Variants in SEC24D observed in about 807,000 individuals in gnomAD.
SEC24D encodes the protein protein transport protein Sec24D.
Under a neutral mutation model 116.9 loss-of-function variants are expected in SEC24D, and 69 were observed. The observed-to-expected ratio is 0.59, with a 90% CI of 0.49 to 0.72. The LOEUF (loss-of-function observed/expected upper bound fraction) is 0.72. SEC24D is among the 30% of genes least tolerant of loss of function. The pLI is 0.00. For missense variants in SEC24D, 1,131 were observed against 1,264.1 expected (o/e 0.89, Z 1.60); for synonymous variants, 405 against 442.8 (o/e 0.91, Z 1.07).
intron 8 of SEC24D, among the ~76,000 whole-genome samples, chr4:118,777,728 C>G (rs1442895478): frequency 6.6e-6 from 1 of 152,232 alleles, no homozygotes; most frequent in African/African-American, 2.4e-5. Context: ...CTCCCACCAA[C>G]AGTGTAAAAG....
At chr4:118,780,098 C>G (rs993562076) in intron 8 of SEC24D, among the ~76,000 whole-genome samples, 4 of 152,132 alleles carry the variant, frequency 2.6e-5, no homozygotes, top group African/African-American at 9.7e-5. Context: ...GTTTCTCTAT[C>G]TCCTTCAGTT....
chr4:118,759,994 A>G (rs1410537915), intron 10 of SEC24D, among the ~76,000 whole-genome samples: 2 of 152,182 alleles, frequency 1.3e-5, no homozygotes, highest in African/African-American at 4.8e-5. Flanking sequence ...ACTTATAAAA[A>G]AACACGATAA....
In SEC24D at chr4:118,836,121, T is replaced by TCAAACCCTTTC; in HGVS notation, c.-223_-222insGAAAGGGTTTG. Reference sequence around the variant, plus strand: ...TGCAGCTGGGCTGGGAACTGCCACGTCAAACCCTTTCTCGGCTGCGCGCCC... The same window carrying TCAAACCCTTTC: ...TGCAGCTGGGCTGGGAACTGCCACGTCAAACCCTTTCCAAACCCTTTCTCGGCTGCGCGCCC... On this transcript the variant is annotated 5_prime_UTR_variant, in exon 1 of 23. Coordinates refer to ENST00000280551, the MANE Select transcript of SEC24D (RefSeq NM_014822.4). The TCAAACCCTTTC allele has an allele frequency of 6.6e-6, 1 of 152,158 alleles. No homozygotes were observed. The highest frequency in any genetic ancestry group is 2.1e-4 in the South Asian group (1 of 4,820). The allele number at this position is 152,158 out of a possible 1,614,324, so 9.4% of individuals were successfully genotyped here.
At chr4:118,737,878 C>A (rs1726040930) in intron 19 of SEC24D, among the ~76,000 whole-genome samples, 2 of 151,964 alleles carry the variant, frequency 1.3e-5, no homozygotes, top group Admixed American at 6.6e-5. Flanking sequence ...TTATTACTGC[C>A]ATCAGCTCAT....
chr4:118,811,731 CCTT>C (rs1268243951), intron 6 of SEC24D, among the ~76,000 whole-genome samples: 1 of 152,206 alleles, frequency 6.6e-6, no homozygotes, highest in Non-Finnish European at 1.5e-5. Context: ...AAATCTCCCT[CCTT>C]CTTTCTTTTA....
intron 2 of SEC24D, among the ~76,000 whole-genome samples, chr4:118,828,166 T>C (rs1184904237): frequency 6.6e-6 from 1 of 151,878 alleles, no homozygotes; most frequent in African/African-American, 2.4e-5. Context: ...TGGAGTGCAA[T>C]GGTGCAATCT....
chr4:118,804,885 T>TACACACACACACACAC (rs71954957), intron 7 of SEC24D, among the ~76,000 whole-genome samples: 4,671 of 140,856 alleles, frequency 0.033, 114 homozygotes, highest in Non-Finnish European at 0.044. Context: ...TATGCATGCA[T>TACACACACACACACAC]ACACACACAC....
chr4:118,725,128 G>C (rs1288790744), intron 22 of SEC24D, among the ~76,000 whole-genome samples: 4 of 152,176 alleles, frequency 2.6e-5, no homozygotes, highest in Non-Finnish European at 4.4e-5. Flanking sequence ...CCCCGACCTA[G>C]TAAAAATAAT....
At position 118,803,039 on chromosome 4, in the gene SEC24D, G is replaced by A. The variant is rs775770835; in HGVS notation, c.913+2804C>T. On this transcript the variant is annotated intron_variant, in intron 7 of 22. Transcript: ENST00000280551. Reference sequence around the variant, plus strand: ...TCTCTCAAATGAGGAGCCTAGAGTAGGCAAACTCATAGAGACAGAACGTAG... The same window carrying A: ...TCTCTCAAATGAGGAGCCTAGAGTAAGCAAACTCATAGAGACAGAACGTAG... Among the ~76,000 whole-genome samples the A allele has an allele frequency of 2.0e-5, 3 of 152,176 alleles. No individual in the cohort carries two copies. The East Asian group carries it at 5.8e-4, about 29-fold the overall frequency.
intron 14 of SEC24D, among the ~76,000 whole-genome samples, 184 bp downstream of exon 14, chr4:118,744,760 G>A (rs190475303): frequency 1.3e-3 from 200 of 152,196 alleles, no homozygotes; most frequent in African/African-American, 4.4e-3. Context: ...TTCAGACATC[G>A]GTTTTTCTAG....
At chr4:118,833,787 A>G (rs1009078736) in intron 1 of SEC24D, 50 bp from the exon 2 acceptor site, 1 of 838,606 alleles carries the variant, frequency 1.2e-6, no homozygotes, top group African/African-American at 1.7e-5. Flanking sequence ...TTAGTTACGT[A>G]AAGCTATTAA....
At chr4:118,754,472 T>C (rs1011456322) in intron 11 of SEC24D, among the ~76,000 whole-genome samples, 3 of 152,254 alleles carry the variant, frequency 2.0e-5, no homozygotes, top group African/African-American at 4.8e-5. Flanking sequence ...ATCATTCTCA[T>C]TGGGCTCTTA....
chr4:118,806,078 G>C (rs1658608184), intron 6 of SEC24D, 124 bp from the exon 7 acceptor site: 3 of 644,970 alleles, frequency 4.7e-6, no homozygotes, highest in Non-Finnish European at 8.1e-6. Context: ...CACACACACA[G>C]AGATGCACAC....
chr4:118,780,188 A>T (rs140129926), intron 8 of SEC24D, among the ~76,000 whole-genome samples: 38 of 151,906 alleles, frequency 2.5e-4, no homozygotes, highest in Non-Finnish European at 4.9e-4. Context: ...TTTAATTGTG[A>T]TGTTAGGGTG....
chr4:118,740,116 T>C (rs961847462), intron 17 of SEC24D, among the ~76,000 whole-genome samples: 1 of 152,050 alleles, frequency 6.6e-6, no homozygotes, highest in Non-Finnish European at 1.5e-5. Context: ...AGGAAAAACT[T>C]TGGATATAGG....
chr4:118,728,709 AAT>A (rs2110427101), intron 21 of SEC24D, 59 bp from the exon 22 acceptor site: 1 of 1,008,214 alleles, frequency 9.9e-7, no homozygotes, highest in East Asian at 2.4e-5. Flanking sequence ...TAGAAGTAGC[AAT>A]ATGAGATTAT....
Position 118,734,050 on chromosome 4 carries a change from T to A in SEC24D, c.2497-1138A>T, listed in dbSNP as rs77816680. 5.1e-4 allele frequency among the ~76,000 whole-genome samples: 77 copies of A among 151,322 alleles called. No homozygotes were observed. In the East Asian group the frequency reaches 0.014, roughly 28 times the overall value. On this transcript the variant is annotated intron_variant, in intron 19 of 22. Transcript: ENST00000280551. Reference sequence around the variant, plus strand: ...TCAATATTGTTAGAATAGCTAATAATCAAGTTTGACTGATCTGAATGTCAC... The same window carrying A: ...TCAATATTGTTAGAATAGCTAATAAACAAGTTTGACTGATCTGAATGTCAC...
At chr4:118,756,598 C>T (rs1047814625) in intron 11 of SEC24D, among the ~76,000 whole-genome samples, 1 of 152,094 alleles carries the variant, frequency 6.6e-6, no homozygotes, top group Non-Finnish European at 1.5e-5. Context: ...CTGAAGCCAA[C>T]AACCCACCCT....
intron 8 of SEC24D, among the ~76,000 whole-genome samples, chr4:118,785,659 GAAAC>G (rs1728636285): frequency 6.6e-6 from 1 of 152,122 alleles, no homozygotes; most frequent in African/African-American, 2.4e-5. Context: ...TGAATAATAA[GAAAC>G]AGAGAAAATA....
Sources: allele counts gnomAD v4.1 joint callset (sites outside exome capture counted in the v4.1 genomes callset), GRCh38; gene constraint gnomAD v4.1.1; transcripts MANE v1.5; gene names NCBI Gene and HGNC (gene_info 2026-07-23, HGNC 2026-07-21).